Variants in CCDC198 observed in about 807,000 individuals in gnomAD.
CCDC198 encodes the protein coiled-coil domain containing 198.
A neutral mutation model predicts 35.6 loss-of-function variants in CCDC198; 18 were observed. That is an observed-to-expected ratio of 0.51 (90% CI 0.35 to 0.75). The LOEUF is 0.75. CCDC198 is among the 30% of genes least tolerant of loss of function. The pLI is 0.01. For synonymous variants in CCDC198, 119 were observed against 113.4 expected (o/e 1.05, Z -0.31); for missense variants, 365 against 343.7 (o/e 1.06, Z -0.49).
intron 5 of CCDC198, chr14:57,478,608 G>A (rs970237193): frequency 4.9e-5 from 48 of 987,666 alleles, no homozygotes; most frequent in Middle Eastern, 5.2e-4. Flanking sequence ...TTCTTGGCGT[G>A]CTCTCAAGTG....
At chr14:57,482,932 G>A in intron 3 of CCDC198, 133 bp downstream of exon 3, 1 of 1,245,158 alleles carries the variant, frequency 8.0e-7, no homozygotes, top group South Asian at 1.4e-5. Context: ...CACTCTGAAT[G>A]ACTTAACAGT....
intron 5 of CCDC198, among the ~76,000 whole-genome samples, chr14:57,479,883 A>G (rs1395831382): frequency 2.0e-5 from 3 of 152,108 alleles, no homozygotes; most frequent in African/African-American, 7.2e-5. Context: ...TGATGGATGG[A>G]CAGTAAGACC....
intron 2 of CCDC198, among the ~76,000 whole-genome samples, chr14:57,490,460 T>G (rs2067524948): frequency 6.6e-6 from 1 of 152,166 alleles, no homozygotes; most frequent in South Asian, 2.1e-4. Flanking sequence ...AGAAATTACT[T>G]ATGCTGACAG....
In CCDC198 at chr14:57,471,441, C is replaced by T. The variant is rs1173466856; in HGVS notation, c.805G>A (p.Gly269Arg). The T allele has an allele frequency of 7.4e-6, 12 of 1,613,992 alleles. No homozygotes were observed. Among genetic ancestry groups the T allele is most frequent in the Non-Finnish European group, 1.0e-5 (12 of 1,179,964 alleles). Residue 269 changes from glycine to arginine, a missense_variant, in exon 6 of 6, where the codon GGG becomes AGG. By Grantham distance (125) the Gly-to-Arg change is moderately radical (BLOSUM62 -2). Coordinates refer to ENST00000216445, the MANE Select transcript of CCDC198 (RefSeq NM_018168.4). ...GCTCGTGGCTTCTTCTCATCTTTCCCCTGCTCATCTGAGTCAGAGCTGGAA... is the reference window on the plus strand; with the variant it reads ...GCTCGTGGCTTCTTCTCATCTTTCCTCTGCTCATCTGAGTCAGAGCTGGAA... ...DSSSSDSDEQ[G>R]KDEKKPRALV...
intron 5 of CCDC198, among the ~76,000 whole-genome samples, chr14:57,476,570 G>A (rs897441395): frequency 1.3e-5 from 2 of 152,198 alleles, no homozygotes; most frequent in African/African-American, 4.8e-5. Context: ...TCATATGATT[G>A]TATATGTAAT....
intron 2 of CCDC198, 38 bp from the exon 3 acceptor site, chr14:57,483,189 T>A (rs777577396): frequency 6.2e-7 from 1 of 1,613,700 alleles, no homozygotes; most frequent in Non-Finnish European, 8.5e-7. Context: ...GCATTCCTCA[T>A]GCCATGAGAT....
At chr14:57,484,165 C>T (rs1178408105) in intron 2 of CCDC198, among the ~76,000 whole-genome samples, 1 of 152,164 alleles carries the variant, frequency 6.6e-6, no homozygotes, top group Non-Finnish European at 1.5e-5. Context: ...GAAGCCCTAG[C>T]CCTCCATACC....
chr14:57,481,522 G>A (rs1226846215), intron 4 of CCDC198, 37 bp downstream of exon 4: 1 of 1,426,128 alleles, frequency 7.0e-7, no homozygotes, highest in Non-Finnish European at 9.9e-7. Flanking sequence ...ATTATGTGAT[G>A]AAAATTTGGT....
Position 57,493,580 on chromosome 14 carries a change from A to T in CCDC198, c.136T>A (p.Ser46Thr). The change falls in exon 1 of 6, where the codon TCA (serine) becomes ACA (threonine). Residue 46 changes from serine (S) to threonine (T), a missense_variant. Transcript: ENST00000216445. ...TTCTGGTCCTGCAGTCTTGCCAGTGAATATGAAGTCTTTTCTTCCAAATTC... is the reference window on the plus strand; with the variant it reads ...TTCTGGTCCTGCAGTCTTGCCAGTGTATATGAAGTCTTTTCTTCCAAATTC... ...NQNLEEKTSY[S>T]LARLQDQNKA... 6.2e-7 allele frequency: 1 copy of T among 1,613,980 alleles called. No individual in the cohort carries two copies. The highest frequency in any genetic ancestry group is 1.1e-5 in the South Asian group (1 of 91,084).
intron 5 of CCDC198, among the ~76,000 whole-genome samples, chr14:57,473,830 T>C (rs1594777229): frequency 6.6e-6 from 1 of 152,344 alleles, no homozygotes; most frequent in East Asian, 1.9e-4. Context: ...CCTGTGTGAT[T>C]TGGCCCTGCC....
chr14:57,491,401 A>G (rs1419640953), intron 1 of CCDC198, among the ~76,000 whole-genome samples: 1 of 152,156 alleles, frequency 6.6e-6, no homozygotes, highest in Non-Finnish European at 1.5e-5. Context: ...ATAGAAATTT[A>G]TTGACTTATT....
At chr14:57,474,573 A>G (rs761478206) in intron 5 of CCDC198, among the ~76,000 whole-genome samples, 7 of 152,238 alleles carry the variant, frequency 4.6e-5, no homozygotes, top group Non-Finnish European at 1.0e-4. Flanking sequence ...TTGAAAATAA[A>G]TCCTTTGTCA....
chr14:57,476,778 T>G (rs967664745), intron 5 of CCDC198, among the ~76,000 whole-genome samples: 2 of 152,088 alleles, frequency 1.3e-5, no homozygotes, highest in South Asian at 4.1e-4. Context: ...CAGACCCTGA[T>G]AGTAGAATGC....
intron 2 of CCDC198, among the ~76,000 whole-genome samples, chr14:57,485,574 G>A (rs1427277899): frequency 6.6e-6 from 1 of 152,194 alleles, no homozygotes; most frequent in Non-Finnish European, 1.5e-5. Context: ...GTGGAACCAC[G>A]GAAGATAGAT....
chr14:57,480,723 C>A lies in CCDC198; in HGVS notation c.527G>T (p.Gly176Val). 6.2e-7 allele frequency: 1 copy of A among 1,614,042 alleles called. No individual in the cohort carries two copies. Among genetic ancestry groups the A allele is most frequent in the Non-Finnish European group, 8.5e-7 (1 of 1,179,988 alleles). The change falls in exon 5 of 6, where the codon GGA becomes GTA. Residue 176 changes from glycine to valine, a missense_variant. Gly to Val is a moderately radical substitution (Grantham distance 109, BLOSUM62 -3). Coordinates refer to ENST00000216445, the MANE Select transcript of CCDC198 (RefSeq NM_018168.4). The stretch of plus-strand genomic sequence containing the variant: ...ACTTTGCTTATTAATTCTTGCCTCT[C>A]CATGAAGACTTTTCTTTAACTCCAT... Reference protein sequence around the residue: ...AQMELKKSLHGEARINKQSPR... With the variant: ...AQMELKKSLHVEARINKQSPR...
intron 5 of CCDC198, chr14:57,475,713 A>G (rs1199187744): frequency 1.6e-5 from 7 of 436,454 alleles, no homozygotes; most frequent in African/African-American, 4.2e-5. Flanking sequence ...GTCTTAAAAA[A>G]AAAAAAAAAA....
At chr14:57,484,329 G>A (rs959504574) in intron 2 of CCDC198, among the ~76,000 whole-genome samples, 1 of 152,184 alleles carries the variant, frequency 6.6e-6, no homozygotes. Context: ...GGCAGGACAC[G>A]ATGTGAAGAT....
At chr14:57,487,484 A>G (rs1485927478) in intron 2 of CCDC198, among the ~76,000 whole-genome samples, 2 of 152,114 alleles carry the variant, frequency 1.3e-5, no homozygotes, top group East Asian at 1.9e-4. Flanking sequence ...TGTGGGGGAA[A>G]CACCTCCAAT....
At chr14:57,487,958 A>G (rs2067421086) in intron 2 of CCDC198, among the ~76,000 whole-genome samples, 1 of 152,140 alleles carries the variant, frequency 6.6e-6, no homozygotes, top group African/African-American at 2.4e-5. Context: ...CAGAGTCTAC[A>G]GGGGAGATGA....
Sources: gnomAD v4.1 joint callset for allele counts (sites outside exome capture counted in the v4.1 genomes callset) on GRCh38, gnomAD v4.1.1 for gene constraint, MANE v1.5 for transcripts, NCBI Gene and HGNC (gene_info 2026-07-23, HGNC 2026-07-21) for gene names.